The following VPS33B variants were observed in gnomAD, a reference collection of about 807,000 sequenced individuals.
The protein encoded by VPS33B is vacuolar protein sorting-associated protein 33B.
Under a neutral mutation model 95.3 loss-of-function variants are expected in VPS33B, and 80 were observed. The observed-to-expected ratio is 0.84, with a 90% CI of 0.70 to 1.01. The LOEUF (loss-of-function observed/expected upper bound fraction) is 1.01, where lower values mean the gene tolerates loss of function less well. VPS33B is among the 50% of genes least tolerant of loss of function. The pLI is 0.00. For synonymous variants in VPS33B, 280 were observed against 280.4 expected (o/e 1.00, Z 0.01); for missense variants, 715 against 773.4 (o/e 0.92, Z 0.90).
In VPS33B at chr15:90,999,583, T is replaced by G; in HGVS notation, c.1774+94A>C. 7.5e-7 allele frequency: 1 copy of G among 1,334,586 alleles called. No individual in the cohort carries two copies. The highest frequency in any genetic ancestry group is 1.4e-5 in the African/African-American group (1 of 69,512). 82.7% of individuals were successfully genotyped at this position (1,334,586 alleles called of 1,614,324 possible). ...ATCTGCCCGCCTCCGCCTCCCAAAG[T>G]GCTGAGATTACAGGTATGAACCACC... On this transcript the variant is annotated intron_variant, in intron 22 of 22. Coordinates refer to ENST00000333371, the MANE Select transcript of VPS33B (RefSeq NM_018668.5). This position sits in a 1 kb window ranked among gnomAD's most constrained non-coding sequence, Gnocchi z 5.1.
chr15:91,007,778 T>C lies in VPS33B; in HGVS notation c.498+92A>G. On this transcript the variant is annotated intron_variant, in intron 7 of 22. Transcript: ENST00000333371. This position sits in a 1 kb window ranked among gnomAD's most constrained non-coding sequence, Gnocchi z 5.3. Reference sequence around the variant, plus strand: ...TATCACTTGTGATAAATTACTTGCGTTGGACAAAGGTTATATTGGTATTTC... The same window carrying C: ...TATCACTTGTGATAAATTACTTGCGCTGGACAAAGGTTATATTGGTATTTC... 7.5e-7 allele frequency: 1 copy of C among 1,331,034 alleles called. No homozygotes were observed. Among genetic ancestry groups the C allele is most frequent in the East Asian group, 2.3e-5 (1 of 43,566 alleles). The allele number at this position is 1,331,034 out of a possible 1,614,324, so 82.5% of individuals were successfully genotyped here. A position where few individuals can be genotyped will look rare whatever the true frequency, so the allele number is the denominator to read the frequency against.
At position 91,005,020 on chromosome 15, in the gene VPS33B, C is replaced by G; in HGVS notation, c.1170+35G>C. ...TTAAGGCCGACCCCACCTCTAAATGCCATTCTTGGCACCCCCAGCCCTCCA... is the reference window on the plus strand; with the variant it reads ...TTAAGGCCGACCCCACCTCTAAATGGCATTCTTGGCACCCCCAGCCCTCCA... On this transcript the variant is annotated intron_variant, in intron 15 of 22. Coordinates refer to ENST00000333371, the MANE Select transcript of VPS33B (RefSeq NM_018668.5). The surrounding 1 kb of genome is among the most constrained non-coding windows in gnomAD (Gnocchi z 6.4). 6.2e-7 allele frequency: 1 copy of G among 1,614,206 alleles called. No homozygotes were observed. The highest frequency in any genetic ancestry group is 1.7e-5 in the Admixed American group (1 of 60,024).
intron 16 of VPS33B, 63 bp downstream of exon 16, chr15:91,004,811 ACTT>A (rs2040551241): frequency 2.5e-6 from 4 of 1,573,376 alleles, no homozygotes; most frequent in Non-Finnish European, 3.5e-6. Flanking sequence ...TTTCAAAATC[ACTT>A]CTTCTGTCCC....
At position 91,015,136 on chromosome 15, in the gene VPS33B, G is replaced by C. The variant is rs2040886932; in HGVS notation, c.240-703C>G. On this transcript the variant is annotated intron_variant, in intron 3 of 22. Coordinates refer to ENST00000333371, the MANE Select transcript of VPS33B (RefSeq NM_018668.5). The surrounding 1 kb of genome is among the most constrained non-coding windows in gnomAD (Gnocchi z 4.7). Reference sequence around the variant, plus strand: ...GGATCACCTGAGGTCAGGAGTTTGAGACCAGCCCAGCCAACATGGTGAAAC... The same window carrying C: ...GGATCACCTGAGGTCAGGAGTTTGACACCAGCCCAGCCAACATGGTGAAAC... Among the ~76,000 whole-genome samples the C allele has an allele frequency of 6.6e-6, 1 of 151,738 alleles. No homozygotes were observed. The highest frequency in any genetic ancestry group is 2.4e-5 in the African/African-American group (1 of 41,260).
At chr15:91,021,138 T>C (rs1422617808) in intron 1 of VPS33B, among the ~76,000 whole-genome samples, 1 of 152,188 alleles carries the variant, frequency 6.6e-6, no homozygotes, top group Non-Finnish European at 1.5e-5. Flanking sequence ...ACAACAAATA[T>C]TTATTAAGCA....
Position 91,000,458 on chromosome 15 carries a change from T to C in VPS33B, c.1581+32A>G, listed in dbSNP as rs1258489052. 1.9e-6 allele frequency: 3 copies of C among 1,577,720 alleles called. No homozygotes were observed. The highest frequency in any genetic ancestry group is 2.2e-5 in the South Asian group (2 of 90,034). ...CCAAGAGAAAGCAGAGAGAATGAAA[T>C]ATGAATGGGAGCAAGAATTACATGC... On this transcript the variant is annotated intron_variant, in intron 20 of 22. Transcript: ENST00000333371. This position sits in a 1 kb window ranked among gnomAD's most constrained non-coding sequence, Gnocchi z 4.9.
intron 6 of VPS33B, 81 bp from the exon 7 acceptor site, chr15:91,008,045 G>A: frequency 7.6e-7 from 1 of 1,312,276 alleles, no homozygotes; most frequent in Non-Finnish European, 1.1e-6. Flanking sequence ...ACAAATATTT[G>A]AGTGCGTGCA....
rs1274411277 is a variant in VPS33B at position 91,005,481 on chromosome 15, A to G, written c.1031-27T>C. The G allele has an allele frequency of 6.2e-7, 1 of 1,613,706 alleles. No homozygotes were observed. Among genetic ancestry groups the G allele is most frequent in the Non-Finnish European group, 8.5e-7 (1 of 1,179,734 alleles). On this transcript the variant is annotated intron_variant, in intron 13 of 22. Transcript: ENST00000333371. This position sits in a 1 kb window ranked among gnomAD's most constrained non-coding sequence, Gnocchi z 6.4. Reference sequence around the variant, plus strand: ...TGCAGGTTGGACAAAGGGAGCTGACATACTCCTGGTTCTAGAAAGATGTCC... The same window carrying G: ...TGCAGGTTGGACAAAGGGAGCTGACGTACTCCTGGTTCTAGAAAGATGTCC...
In VPS33B at chr15:91,009,719, G is replaced by A. The variant is rs1484820984; in HGVS notation, c.403+82C>T. 6.9e-7 allele frequency: 1 copy of A among 1,438,872 alleles called. No homozygotes were observed. Among genetic ancestry groups the A allele is most frequent in the Admixed American group, 1.9e-5 (1 of 53,864 alleles). 89.1% of individuals were successfully genotyped at this position (1,438,872 alleles called of 1,614,324 possible). A position where few individuals can be genotyped will look rare whatever the true frequency, so the allele number is the denominator to read the frequency against. Reference sequence around the variant, plus strand: ...AAAGAAGGAGCTGGTGGTGGGGGTGGGGTGGGGGGGTTGGAGAACAACAAC... The same window carrying A: ...AAAGAAGGAGCTGGTGGTGGGGGTGAGGTGGGGGGGTTGGAGAACAACAAC... On this transcript the variant is annotated intron_variant, in intron 6 of 22. Transcript: ENST00000333371. This position sits in a 1 kb window ranked among gnomAD's most constrained non-coding sequence, Gnocchi z 4.1.
At position 91,005,897 on chromosome 15, in the gene VPS33B, G is replaced by C; in HGVS notation, c.939+76C>G. 6.2e-7 allele frequency: 1 copy of C among 1,605,958 alleles called. No individual in the cohort carries two copies. Among genetic ancestry groups the C allele is most frequent in the South Asian group, 1.1e-5 (1 of 90,718 alleles). On this transcript the variant is annotated intron_variant, in intron 12 of 22. Coordinates refer to ENST00000333371, the MANE Select transcript of VPS33B (RefSeq NM_018668.5). The surrounding 1 kb of genome is among the most constrained non-coding windows in gnomAD (Gnocchi z 6.4). ...GGACAGGGAACCTGTCATAGTATTA[G>C]AAGGGGAGCCCAAGGGCAGCAGCCT...
Position 91,002,648 on chromosome 15 carries a change from A to AAG in VPS33B, c.1272+436_1272+437insCT, listed in dbSNP as rs2040474910. On this transcript the variant is annotated intron_variant, in intron 17 of 22. Transcript: ENST00000333371. This position sits in a 1 kb window ranked among gnomAD's most constrained non-coding sequence, Gnocchi z 4.7. ...TCGTCTCGAAATAAAAAAAAAAAAAAAAAGAAAAGAAATAATTAGCACCAA... is the reference window on the plus strand; with the variant it reads ...TCGTCTCGAAATAAAAAAAAAAAAAAAGAAAGAAAAGAAATAATTAGCACCAA... 6.6e-6 allele frequency among the ~76,000 whole-genome samples: 1 copy of AAG among 151,572 alleles called. No homozygotes were observed. Among genetic ancestry groups the AAG allele is most frequent in the African/African-American group, 2.4e-5 (1 of 41,134 alleles).
At chr15:91,001,048 G>C (rs2040421153) in intron 19 of VPS33B, 1 of 366,874 alleles carries the variant, frequency 2.7e-6, no homozygotes, top group Admixed American at 4.0e-5. Flanking sequence ...GGGCGCAGTG[G>C]CTCATGCCTG....
chr15:91,002,935 G>T lies in VPS33B; in HGVS notation c.1272+150C>A. The T allele has an allele frequency of 2.3e-6, 2 of 854,350 alleles. No homozygotes were observed. The highest frequency in any genetic ancestry group is 1.4e-5 in the South Asian group (1 of 73,460). The allele number at this position is 854,350 out of a possible 1,614,324, so 52.9% of individuals were successfully genotyped here. The stretch of plus-strand genomic sequence containing the variant: ...AGGGCAGAGAGGCGTGCTGAAAGGT[G>T]ACTCTCCCTAGTAGCTCTAAGAGGG... On this transcript the variant is annotated intron_variant, in intron 17 of 22. Transcript: ENST00000333371. This position sits in a 1 kb window ranked among gnomAD's most constrained non-coding sequence, Gnocchi z 4.7.
Position 91,006,907 on chromosome 15 carries a change from C to T in VPS33B, c.700+43G>A. ...CACCACGCCTTCCATATTCCCGTGTCTTCTAGGGCTGAAAGATGACAGGAA... is the reference window on the plus strand; with the variant it reads ...CACCACGCCTTCCATATTCCCGTGTTTTCTAGGGCTGAAAGATGACAGGAA... On this transcript the variant is annotated intron_variant, in intron 9 of 22. Transcript: ENST00000333371. The surrounding 1 kb of genome is among the most constrained non-coding windows in gnomAD (Gnocchi z 5.4). The T allele has an allele frequency of 6.2e-7, 1 of 1,612,806 alleles. No individual in the cohort carries two copies. Among genetic ancestry groups the T allele is most frequent in the Non-Finnish European group, 8.5e-7 (1 of 1,178,884 alleles).
At chr15:91,004,573 T>G (rs577001616) in intron 16 of VPS33B, among the ~76,000 whole-genome samples, 2 of 152,286 alleles carry the variant, frequency 1.3e-5, no homozygotes, top group African/African-American at 4.8e-5. Flanking sequence ...GGAATGTATC[T>G]TTATCTTATT....
intron 6 of VPS33B, among the ~76,000 whole-genome samples, chr15:91,008,769 A>G (rs978617962): frequency 3.9e-5 from 6 of 152,212 alleles, no homozygotes; most frequent in African/African-American, 1.2e-4. Context: ...GCAAGCTGTG[A>G]GCACATATAT....
chr15:91,010,194 T>C lies in VPS33B; in HGVS notation c.358-348A>G, dbSNP rs1312232500. Among the ~76,000 whole-genome samples the C allele has an allele frequency of 6.6e-6, 1 of 152,106 alleles. No homozygotes were observed. The highest frequency in any genetic ancestry group is 1.5e-5 in the Non-Finnish European group (1 of 68,004). ...GCTCTGGAAATTGTGGAGGAGCAGA[T>C]GGGAGGAAAAGATCTGTACAAGGGA... is the stretch of plus-strand genomic sequence containing the variant. On this transcript the variant is annotated intron_variant, in intron 5 of 22. Coordinates refer to ENST00000333371, the MANE Select transcript of VPS33B (RefSeq NM_018668.5). This position sits in a 1 kb window ranked among gnomAD's most constrained non-coding sequence, Gnocchi z 5.7.
chr15:91,015,553 G>A lies in VPS33B; in HGVS notation c.240-1120C>T, dbSNP rs148803769. 0.01 allele frequency among the ~76,000 whole-genome samples: 1,561 copies of A among 152,042 alleles called. 26 individuals are homozygous for A. Among genetic ancestry groups the A allele is most frequent in the African/African-American group, 0.035 (1,458 of 41,498 alleles). ...AAATTAGCTGGGCAAGGTGGCAGGC[G>A]CCTGTAATCACAGCTACTTGGGAGG... On this transcript the variant is annotated intron_variant, in intron 3 of 22. Coordinates refer to ENST00000333371, the MANE Select transcript of VPS33B (RefSeq NM_018668.5). This position sits in a 1 kb window ranked among gnomAD's most constrained non-coding sequence, Gnocchi z 4.7.
chr15:91,009,584 G>A lies in VPS33B; in HGVS notation c.403+217C>T, dbSNP rs973788988. ...GCCTCCCAAAGTGCTGGGATTACAG[G>A]CATGAGCCACTGCGCCCAGCCCCCA... On this transcript the variant is annotated intron_variant, in intron 6 of 22. Transcript: ENST00000333371. This position sits in a 1 kb window ranked among gnomAD's most constrained non-coding sequence, Gnocchi z 4.1. 6.6e-6 allele frequency among the ~76,000 whole-genome samples: 1 copy of A among 152,066 alleles called. No homozygotes were observed. The highest frequency in any genetic ancestry group is 1.5e-5 in the Non-Finnish European group (1 of 68,020).
Sources: gnomAD v4.1 joint callset for allele counts (sites outside exome capture counted in the v4.1 genomes callset) on GRCh38, gnomAD v4.1.1 for gene constraint, Gnocchi (gnomAD v3.1) non-coding constraint, MANE v1.5 for transcripts, NCBI Gene and HGNC (gene_info 2026-07-23, HGNC 2026-07-21) for gene names.